The following PLEC variants were observed in gnomAD, a reference collection of about 807,000 sequenced individuals.
The protein encoded by PLEC is plectin, also known as hemidesmosomal protein 1.
A neutral mutation model predicts 392.8 loss-of-function variants in PLEC; 216 were observed. The ratio of observed to expected loss-of-function variants is 0.55; its 90% CI spans 0.49 to 0.62. The LOEUF (loss-of-function observed/expected upper bound fraction) is 0.62, where lower values mean the gene tolerates loss of function less well. Ranked by LOEUF, PLEC falls within the 20% of genes least tolerant of loss-of-function variation. PLEC has a pLI of 0.00. For missense variants in PLEC, 6,863 were observed against 6,563.4 expected (o/e 1.05, Z -1.58); for synonymous variants, 3,621 against 2,980.6 (o/e 1.21, Z -7.00).
chr8:143,928,082 T>A, intron 25 of PLEC, 90 bp from the exon 26 acceptor site: 1 of 1,482,894 alleles, frequency 6.7e-7, no homozygotes, highest in Non-Finnish European at 9.0e-7. Context: ...CCCAGGGTGC[T>A]GCCTGCCAAG....
upstream of PLEC, among the ~76,000 whole-genome samples, chr8:143,942,128 CGTGGAACAGCCGGGG>C (rs1564188447): frequency 6.6e-6 from 1 of 152,126 alleles, no homozygotes. Flanking sequence ...CCCAGGCTGA[CGTGGAACAGCCGGGG>C]GTGGGCCAGC....
intron 1 of PLEC, chr8:143,946,301 C>T (rs1430809022): frequency 4.8e-6 from 6 of 1,257,112 alleles, no homozygotes; most frequent in Non-Finnish European, 6.2e-6. Flanking sequence ...CAGAGGCGGC[C>T]CCGGCCCTCT....
Position 143,927,644 on chromosome 8 carries a change from C to T in PLEC, c.3522G>A (p.Val1174=), listed in dbSNP as rs1445382877. Residue 1174 remains valine, a synonymous_variant, in exon 27 of 32, where the codon GTG becomes GTA. Transcript: ENST00000345136. The stretch of plus-strand genomic sequence containing the variant: ...GGGCGACCCGCTCCCGCCAGCGCTC[C>T]ACCTCCACGTCCCGCTCCCCGTGCC... The part of the protein sequence containing the change: ...QQRHGERDVE[V]ERWRERVAQL... 1 of 1,586,378 alleles carries T rather than the reference C, an allele frequency of 6.3e-7. No individual in the cohort carries two copies. The highest frequency in any genetic ancestry group is 8.6e-7 in the Non-Finnish European group (1 of 1,169,158).
At position 143,917,906 on chromosome 8, in the gene PLEC, G is replaced by A; in HGVS notation, c.11915C>T (p.Ala3972Val). Residue 3972 changes from alanine (A) to valine (V), a missense_variant, in exon 32 of 32, where the codon GCC becomes GTC. Physicochemically the swap from Ala to Val is moderately conservative, Grantham distance 64. Coordinates refer to ENST00000345136, the MANE Select transcript of PLEC (RefSeq NM_201384.3). ...TAFELLEAQA[A>V]TGYVIDPIKG... ...GATGGGGTCGATGACGTAACCGGTGGCCGCCTGCGCCTCCAGGAGCTCAAA... is the reference window on the plus strand; with the variant it reads ...GATGGGGTCGATGACGTAACCGGTGACCGCCTGCGCCTCCAGGAGCTCAAA... 1.9e-6 allele frequency: 3 copies of A among 1,612,940 alleles called. No individual in the cohort carries two copies. Among genetic ancestry groups the A allele is most frequent in the Non-Finnish European group, 1.7e-6 (2 of 1,179,970 alleles).
At chr8:143,938,773 G>T in intron 1 of PLEC, 81 bp from the exon 2 acceptor site, 2 of 1,243,692 alleles carry the variant, frequency 1.6e-6, no homozygotes, top group Non-Finnish European at 1.2e-6. Context: ...AGACACAGCA[G>T]CCTGGCTGGC....
At chr8:143,953,703 C>G (rs1404392086), upstream of PLEC, 2 of 1,607,050 alleles carry the variant, frequency 1.2e-6, no homozygotes, top group East Asian at 2.2e-5. Context: ...CCCCCCGGCT[C>G]GGGCCCGGCC....
intron 16 of PLEC, 29 bp downstream of exon 16, chr8:143,932,371 G>A: frequency 6.2e-7 from 1 of 1,612,082 alleles, no homozygotes; most frequent in Non-Finnish European, 8.5e-7. Flanking sequence ...GGGGGCTGTG[G>A]GGTTCAGGGC....
In PLEC at chr8:143,939,486, G is replaced by A. The variant is rs782174187; in HGVS notation, c.-25C>T. The A allele has an allele frequency of 4.2e-5, 67 of 1,599,128 alleles. No individual in the cohort carries two copies. The East Asian group carries it at 5.6e-4, about 13-fold the overall frequency. On this transcript the variant is annotated 5_prime_UTR_variant, in exon 1 of 32. Coordinates refer to ENST00000345136, the MANE Select transcript of PLEC (RefSeq NM_201384.3). The stretch of plus-strand genomic sequence containing the variant: ...TGCTGCCCCCACACCTTCGTCGCCC[G>A]GACCCTCGGCCTCAGGCACGGTGCT...
At chr8:143,932,084 C>T (rs781837670) in intron 17 of PLEC, 46 bp downstream of exon 17, 43 of 1,562,458 alleles carry the variant, frequency 2.8e-5, no homozygotes, top group Non-Finnish European at 3.4e-5. Flanking sequence ...CCTGGGGACC[C>T]GGCACGGCCC....
At position 143,934,822 on chromosome 8, in the gene PLEC, G is replaced by A. The variant is rs369363676; in HGVS notation, c.933C>T (p.Phe311=). 5.6e-5 allele frequency: 91 copies of A among 1,611,498 alleles called. No individual in the cohort carries two copies. Among genetic ancestry groups the A allele is most frequent in the East Asian group, 6.7e-5 (3 of 44,890 alleles). Residue 311 remains phenylalanine (F), a synonymous_variant, in exon 9 of 32, where the codon TTC becomes TTT. Coordinates refer to ENST00000345136, the MANE Select transcript of PLEC (RefSeq NM_201384.3). ...ACGGCAGGCCCACCTCAATCTCCTCGAAGCTGGAGGGGAACCTGCGTTCCT... is the reference window on the plus strand; with the variant it reads ...ACGGCAGGCCCACCTCAATCTCCTCAAAGCTGGAGGGGAACCTGCGTTCCT... ...AFEERRFPSS[F]EEIEILWSQF...
chr8:143,924,872 TGCCGGACGG>T lies in PLEC; in HGVS notation c.5048_5056del (p.Ala1683_Gln1686delinsGlu), dbSNP rs1554699381. The T allele has an allele frequency of 1.9e-6, 3 of 1,588,656 alleles. No individual in the cohort carries two copies. Among genetic ancestry groups the T allele is most frequent in the Non-Finnish European group, 2.6e-6 (3 of 1,175,044 alleles). The stretch of plus-strand genomic sequence containing the variant: ...CAGCTCTTGTTCAGCCAGCTCCCGC[TGCCGGACGG>T]CCTGCTCCTCCGCCTTGCCGCGCCG... On this transcript the variant is annotated inframe_deletion, in exon 31 of 32. Transcript: ENST00000345136.
rs74937659 is a variant in PLEC at position 143,920,563 on chromosome 8, C to G, written c.9258G>C (p.Leu3086=). The change falls in exon 32 of 32, where the codon CTG becomes CTC. Residue 3086 remains leucine (L), a synonymous_variant. Transcript: ENST00000345136. Reference sequence around the variant, plus strand: ...GCTTCTCATGAAACTCGGGGCCCACCAGGCCAGCACGCACTGCCTCGTCCA... The same window carrying G: ...GCTTCTCATGAAACTCGGGGCCCACGAGGCCAGCACGCACTGCCTCGTCCA... The part of the protein sequence containing the change: ...LTVDEAVRAG[L]VGPEFHEKLL... 3.1e-6 allele frequency: 5 copies of G among 1,611,298 alleles called. No homozygotes were observed. The highest frequency in any genetic ancestry group is 2.5e-6 in the Non-Finnish European group (3 of 1,179,772).
At position 143,937,166 on chromosome 8, in the gene PLEC, TGGC is replaced by T. The variant is rs782569746; in HGVS notation, c.338_340del (p.Arg113del). The T allele has an allele frequency of 6.2e-7, 1 of 1,612,188 alleles. No homozygotes were observed. Among genetic ancestry groups the T allele is most frequent in the South Asian group, 1.1e-5 (1 of 91,058 alleles). On this transcript the variant is annotated inframe_deletion and splice_region_variant, in exon 4 of 32. Transcript: ENST00000345136. ...CCAGGGCCTGCCGGGCAGCCTTACC[TGGC>T]GGTGCCGGAGGTAGTCCAGGGCAAT...
At chr8:143,957,067 AG>A (rs1165893487), upstream of PLEC, among the ~76,000 whole-genome samples, 2 of 151,970 alleles carry the variant, frequency 1.3e-5, no homozygotes, top group Non-Finnish European at 2.9e-5. Flanking sequence ...TGCAGCCGGG[AG>A]GGGGGCGCCT....
chr8:143,944,167 C>T (rs1831062547), upstream of PLEC, among the ~76,000 whole-genome samples: 1 of 152,080 alleles, frequency 6.6e-6, no homozygotes, highest in Non-Finnish European at 1.5e-5. Flanking sequence ...TACTGACGCT[C>T]AAGGTTAGTT....
At chr8:143,944,049 A>C, upstream of PLEC, 1 of 1,095,924 alleles carries the variant, frequency 9.1e-7, no homozygotes. Flanking sequence ...CGGCAGCCCC[A>C]CAACAGCTCC....
Position 143,934,401 on chromosome 8 carries a change from G to A in PLEC, c.1086C>T (p.His362=). ...AGQLKVPPGY[H]PLDVEKEWGK... is the part of the protein sequence containing the mutation. ...CCCACTCCTTCTCCACATCCAGCGG[G>A]TGGTAGCCAGGGGGCACCTTGAGCT... The change falls in exon 11 of 32, where the codon CAC becomes CAT. Residue 362 remains histidine (H), a synonymous_variant. Coordinates refer to ENST00000345136, the MANE Select transcript of PLEC (RefSeq NM_201384.3). 1.9e-6 allele frequency: 3 copies of A among 1,612,358 alleles called. No homozygotes were observed. Among genetic ancestry groups the A allele is most frequent in the Non-Finnish European group, 2.5e-6 (3 of 1,179,914 alleles).
Position 143,935,066 on chromosome 8 carries a change from G to C in PLEC, c.770C>G (p.Ser257Trp). The change falls in exon 8 of 32, where the codon TCG becomes TGG. Residue 257 changes from serine to tryptophan, a missense_variant. By Grantham distance (177) the Ser-to-Trp change is radical (BLOSUM62 -3). Transcript: ENST00000345136. Reference protein sequence around the residue: ...DEKSIITYVSSLYDAMPRVPD... With the variant: ...DEKSIITYVSWLYDAMPRVPD... Reference sequence around the variant, plus strand: ...CACGCGGGGCATGGCGTCATACAGCGACGAGACGTAGGTGATGATGGACTT... The same window carrying C: ...CACGCGGGGCATGGCGTCATACAGCCACGAGACGTAGGTGATGATGGACTT... 1 of 1,612,896 alleles carries C rather than the reference G, an allele frequency of 6.2e-7. No homozygotes were observed. Among genetic ancestry groups the C allele is most frequent in the Non-Finnish European group, 8.5e-7 (1 of 1,179,958 alleles).
rs1190974388 is a variant in PLEC, at chr8:143,946,509, C to T, written c.523+3675G>A. On this transcript the variant is annotated intron_variant, in intron 1 of 31. Coordinates refer to the PLEC transcript ENST00000322810. ...ACTCATGCCCTGGTAGCAGCGGCTC[C>T]TCCTCGCAGCCACCCCTTAGTCAGT... 6 of 676,740 alleles carry T rather than the reference C, an allele frequency of 8.9e-6. No individual in the cohort carries two copies. The African/African-American group carries it at 1.1e-4, about 13-fold the overall frequency. 41.9% of individuals were successfully genotyped at this position (676,740 alleles called of 1,614,324 possible).
Sources: gnomAD v4.1 joint callset for allele counts (sites outside exome capture counted in the v4.1 genomes callset) on GRCh38, gnomAD v4.1.1 for gene constraint, MANE v1.5 for transcripts, NCBI Gene and HGNC (gene_info 2026-07-23, HGNC 2026-07-21) for gene names.